Variants in TRMT9B observed in about 807,000 individuals in gnomAD.
The protein encoded by TRMT9B is tRNA methyltransferase 9B (putative).
TRMT9B carries 16 observed loss-of-function variants against 11.5 expected under a neutral mutation model. That is an observed-to-expected ratio of 1.39 (90% CI 0.94 to 2.11). The LOEUF (loss-of-function observed/expected upper bound fraction) is 2.11, where lower values mean the gene tolerates loss of function less well. Ranked by LOEUF, TRMT9B falls within the 30% of genes most tolerant of loss-of-function variation. The pLI is 0.00. For missense variants in TRMT9B, 941 were observed against 553.8 expected (o/e 1.70, Z -7.02); for synonymous variants, 274 against 192.4 (o/e 1.42, Z -3.51).
At chr8:12,950,631 G>C (rs1234974640) in intron 1 of TRMT9B, among the ~76,000 whole-genome samples, 1 of 152,006 alleles carries the variant, frequency 6.6e-6, no homozygotes, top group Admixed American at 6.5e-5. Context: ...AGGATAAAGA[G>C]AAGCCCAAAC....
chr8:13,022,307 C>T lies in TRMT9B; in HGVS notation c.*263C>T, dbSNP rs554594203. 8.5e-6 allele frequency: 3 copies of T among 354,352 alleles called. No individual in the cohort carries two copies. The highest frequency in any genetic ancestry group is 4.5e-5 in the Admixed American group (1 of 22,226). The allele number at this position is 354,352 out of a possible 1,614,324, so 22.0% of individuals were successfully genotyped here. ...GCAACAGAAAGTACCCTTCAGTACA[C>T]CTCAGACTTTTTTTTAACCCCAGAG... On this transcript the variant is annotated 3_prime_UTR_variant, in exon 5 of 5. Coordinates refer to ENST00000524591, the MANE Select transcript of TRMT9B (RefSeq NM_020844.3).
chr8:12,974,318 C>T (rs1804094263), intron 1 of TRMT9B, among the ~76,000 whole-genome samples: 1 of 152,056 alleles, frequency 6.6e-6, no homozygotes, highest in Non-Finnish European at 1.5e-5. Flanking sequence ...CTGCAAGCTT[C>T]TTGATAGCAG....
chr8:13,017,743 A>G (rs987086734), intron 4 of TRMT9B, among the ~76,000 whole-genome samples: 1 of 151,022 alleles, frequency 6.6e-6, no homozygotes, highest in African/African-American at 2.4e-5. Context: ...TTTCCTGAGT[A>G]ACTTGGACCA....
Position 12,950,917 on chromosome 8 carries a change from C to G in TRMT9B, c.-200+4951C>G, listed in dbSNP as rs577856040. On this transcript the variant is annotated intron_variant, in intron 1 of 4. Transcript: ENST00000524591. ...CGCTGGGGATCAGGAGCACGAACCTCTATACAAAGGGCGGCAGAGCGGTTA... is the reference window on the plus strand; with the variant it reads ...CGCTGGGGATCAGGAGCACGAACCTGTATACAAAGGGCGGCAGAGCGGTTA... Among the ~76,000 whole-genome samples the G allele has an allele frequency of 6.2e-4, 95 of 152,334 alleles. 2 individuals carry two copies. The South Asian group carries it at 0.018, about 29-fold the overall frequency.
At chr8:12,977,029 G>A (rs1198397807) in intron 1 of TRMT9B, among the ~76,000 whole-genome samples, 1 of 152,196 alleles carries the variant, frequency 6.6e-6, no homozygotes, top group African/African-American at 2.4e-5. Flanking sequence ...GAGCCTCCTG[G>A]AGGTGCTGCT....
intron 3 of TRMT9B, among the ~76,000 whole-genome samples, chr8:13,009,898 C>T (rs965760304): frequency 2.6e-5 from 4 of 151,996 alleles, no homozygotes; most frequent in African/African-American, 9.7e-5. Context: ...GGAGGTGTGG[C>T]GGGCAGATCT....
chr8:12,988,036 A>G (rs1350069390), intron 1 of TRMT9B, among the ~76,000 whole-genome samples: 2 of 152,218 alleles, frequency 1.3e-5, no homozygotes, highest in Admixed American at 6.5e-5. Context: ...GACCATCTGT[A>G]TATATTTCTG....
chr8:12,961,894 G>C (rs903231025), intron 1 of TRMT9B: 1 of 152,164 alleles, frequency 6.6e-6, no homozygotes, highest in African/African-American at 2.4e-5. Flanking sequence ...CAGGCTTTTA[G>C]CAGGCGAGGA....
At chr8:12,984,738 C>G (rs994932978) in intron 1 of TRMT9B, among the ~76,000 whole-genome samples, 1 of 152,122 alleles carries the variant, frequency 6.6e-6, no homozygotes, top group African/African-American at 2.4e-5. Context: ...GCTATATTTT[C>G]ATTTTTCTTC....
chr8:12,996,186 TG>T (rs1488389269), intron 2 of TRMT9B, among the ~76,000 whole-genome samples: 1 of 152,212 alleles, frequency 6.6e-6, no homozygotes, highest in East Asian at 1.9e-4. Flanking sequence ...ACTTGGAAGC[TG>T]TGGCTGGCAC....
At chr8:12,993,079 C>CG (rs1807664893) in intron 2 of TRMT9B, among the ~76,000 whole-genome samples, 1 of 152,058 alleles carries the variant, frequency 6.6e-6, no homozygotes, top group South Asian at 2.1e-4. Context: ...AAGTCCCTCT[C>CG]GGGAAAAAGT....
intron 2 of TRMT9B, 24 bp from the exon 3 acceptor site, chr8:13,006,178 T>A (rs1810421811): frequency 1.9e-6 from 3 of 1,611,880 alleles, no homozygotes; most frequent in Non-Finnish European, 2.5e-6. Flanking sequence ...CCTGCATGCC[T>A]TGGGTTGGTC....
At chr8:12,955,303 C>T (rs1801150183) in intron 1 of TRMT9B, among the ~76,000 whole-genome samples, 1 of 152,080 alleles carries the variant, frequency 6.6e-6, no homozygotes, top group Admixed American at 6.5e-5. Flanking sequence ...AAGAAGTAAC[C>T]TGTGGTTGTT....
At position 13,027,100 on chromosome 8, in the gene TRMT9B, G is replaced by A. The variant is rs1814777930; in HGVS notation, c.*5056G>A. 6.0e-6 allele frequency: 1 copy of A among 167,044 alleles called. No individual in the cohort carries two copies. Among genetic ancestry groups the A allele is most frequent in the Non-Finnish European group, 1.5e-5 (1 of 68,114 alleles). The allele number at this position is 167,044 out of a possible 1,614,324, so 10.3% of individuals were successfully genotyped here. ...TTCCCATTTTATAAGTAAGGCAACT[G>A]AGGACTATTCAGATATTTCATTCAC... On this transcript the variant is annotated 3_prime_UTR_variant, in exon 5 of 5. Transcript: ENST00000524591.
chr8:12,992,344 A>G (rs1055128613), intron 2 of TRMT9B, among the ~76,000 whole-genome samples: 4 of 152,156 alleles, frequency 2.6e-5, no homozygotes, highest in Non-Finnish European at 5.9e-5. Flanking sequence ...TGATAGAGAT[A>G]ATAAATTTGC....
At chr8:13,004,174 C>G (rs1382541065) in intron 2 of TRMT9B, among the ~76,000 whole-genome samples, 1 of 151,930 alleles carries the variant, frequency 6.6e-6, no homozygotes, top group African/African-American at 2.4e-5. Flanking sequence ...TCCGGCAGGC[C>G]TCACCACTGT....
chr8:12,956,880 C>G (rs1801387471), intron 1 of TRMT9B, among the ~76,000 whole-genome samples: 1 of 152,100 alleles, frequency 6.6e-6, no homozygotes, highest in Non-Finnish European at 1.5e-5. Flanking sequence ...ATGATTGGAT[C>G]TCTTCTATTT....
chr8:13,012,794 G>C lies in TRMT9B; in HGVS notation c.265G>C (p.Val89Leu), dbSNP rs201071531. ...CCGGAATAGAGGATGTGAAGCCATG[G>C]TATGTGACAACCTTAATCTCCCCTT... ...IARNRGCEAMVCDNLNLPFRD... is the reference protein window; with the variant it reads ...IARNRGCEAMLCDNLNLPFRD... The change falls in exon 4 of 5, where the codon GTA (valine) becomes CTA (leucine). Residue 89 changes from valine (V) to leucine (L), a missense_variant. Physicochemically the swap from Val to Leu is conservative, Grantham distance 32 (BLOSUM62 1). Transcript: ENST00000524591. 3 of 1,613,922 alleles carry C rather than the reference G, an allele frequency of 1.9e-6. No homozygotes were observed. The highest frequency in any genetic ancestry group is 2.2e-5 in the East Asian group (1 of 44,858).
intron 1 of TRMT9B, among the ~76,000 whole-genome samples, chr8:12,980,208 C>T (rs1489114997): frequency 1.3e-5 from 2 of 152,120 alleles, no homozygotes; most frequent in African/African-American, 2.4e-5. Flanking sequence ...GAATTCTCCA[C>T]AGGAAAATTC....
Sources: allele counts gnomAD v4.1 joint callset (sites outside exome capture counted in the v4.1 genomes callset), GRCh38; gene constraint gnomAD v4.1.1; transcripts MANE v1.5; gene names NCBI Gene and HGNC (gene_info 2026-07-23, HGNC 2026-07-21).